Variants in ELMO1 observed in about 807,000 individuals in gnomAD.
ELMO1 encodes engulfment and cell motility protein 1.
Under a neutral mutation model 98.9 loss-of-function variants are expected in ELMO1, and 26 were observed. The ratio of observed to expected loss-of-function variants is 0.26; its 90% CI spans 0.19 to 0.36. ELMO1 has a LOEUF of 0.36. Ranked by LOEUF, ELMO1 falls within the 10% of genes least tolerant of loss-of-function variation. The pLI, the probability that ELMO1 is intolerant of heterozygous loss-of-function variation, is 1.00. For missense variants in ELMO1, 627 were observed against 935.2 expected (o/e 0.67, Z 4.30); for synonymous variants, 346 against 346.0 (o/e 1.00, Z 0.00).
At chr7:37,394,091 C>T (rs1054349681) in intron 1 of ELMO1, among the ~76,000 whole-genome samples, 2 of 152,162 alleles carry the variant, frequency 1.3e-5, no homozygotes, top group African/African-American at 2.4e-5. Flanking sequence ...ATTCATGCCA[C>T]TTATATTTAT....
chr7:36,959,363 C>T (rs1047541898), intron 16 of ELMO1, among the ~76,000 whole-genome samples: 4 of 152,138 alleles, frequency 2.6e-5, no homozygotes, highest in African/African-American at 9.7e-5. Flanking sequence ...CCCTGCCTCA[C>T]TCAAAATAAA....
At chr7:36,905,619 C>T (rs1783907315) in intron 16 of ELMO1, among the ~76,000 whole-genome samples, 1 of 152,236 alleles carries the variant, frequency 6.6e-6, no homozygotes, top group Non-Finnish European at 1.5e-5. Flanking sequence ...ATCTGATACT[C>T]AATCACTGCC....
chr7:37,354,079 T>G (rs745676036), intron 1 of ELMO1, among the ~76,000 whole-genome samples: 1 of 152,232 alleles, frequency 6.6e-6, no homozygotes, highest in Non-Finnish European at 1.5e-5. Context: ...TGAATCTGTC[T>G]TCTTAGGCGC....
At chr7:37,333,059 A>G (rs1312471400) in intron 2 of ELMO1, among the ~76,000 whole-genome samples, 2 of 152,230 alleles carry the variant, frequency 1.3e-5, no homozygotes, top group African/African-American at 2.4e-5. Flanking sequence ...TGGTGATGCC[A>G]TTGACCCATG....
At chr7:37,296,042 T>C (rs1458569190) in intron 4 of ELMO1, among the ~76,000 whole-genome samples, 1 of 152,164 alleles carries the variant, frequency 6.6e-6, no homozygotes, top group Admixed American at 6.5e-5. Context: ...ACAGCACAGA[T>C]ATATTTATCT....
intron 13 of ELMO1, among the ~76,000 whole-genome samples, chr7:37,166,034 C>A (rs145531695): frequency 0.089 from 13,530 of 152,222 alleles, 839 homozygotes; most frequent in Non-Finnish European, 0.12. Flanking sequence ...TTGGTCTATT[C>A]AGAGATTCAA....
At chr7:37,148,892 T>G (rs1228788444) in intron 13 of ELMO1, among the ~76,000 whole-genome samples, 1 of 152,234 alleles carries the variant, frequency 6.6e-6, no homozygotes, top group South Asian at 2.1e-4. Context: ...AGTAGGCATC[T>G]CTGTCTCCCT....
intron 13 of ELMO1, among the ~76,000 whole-genome samples, chr7:37,201,598 GAGCCCTCTA>G (rs1792297880): frequency 6.6e-6 from 1 of 152,198 alleles, no homozygotes; most frequent in South Asian, 2.1e-4. Flanking sequence ...GAAAGCTTTA[GAGCCCTCTA>G]AGGAGACCCC....
intron 16 of ELMO1, among the ~76,000 whole-genome samples, chr7:36,937,945 G>T (rs1285045910): frequency 2.0e-5 from 3 of 152,228 alleles, no homozygotes; most frequent in Non-Finnish European, 2.9e-5. Context: ...CTCAGGCTGA[G>T]AAACACTATT....
At chr7:37,179,705 G>A (rs941377402) in intron 13 of ELMO1, among the ~76,000 whole-genome samples, 3 of 151,230 alleles carry the variant, frequency 2.0e-5, no homozygotes, top group African/African-American at 4.9e-5. Flanking sequence ...GGAAACAGTA[G>A]AAAGAAAGAA....
chr7:37,201,046 C>T (rs1397228847), intron 13 of ELMO1, among the ~76,000 whole-genome samples: 1 of 152,012 alleles, frequency 6.6e-6, no homozygotes. Flanking sequence ...TCAAGAGGCT[C>T]GAATGCTCCC....
chr7:36,861,589 A>T (rs1802630971), intron 21 of ELMO1, 70 bp downstream of exon 21: 1 of 1,535,110 alleles, frequency 6.5e-7, no homozygotes, highest in Non-Finnish European at 8.9e-7. Flanking sequence ...TCTTAAGTAA[A>T]ATTTCTTTCT....
At chr7:36,891,403 G>T (rs559471718) in intron 17 of ELMO1, among the ~76,000 whole-genome samples, 1 of 152,336 alleles carries the variant, frequency 6.6e-6, no homozygotes, top group South Asian at 2.1e-4. Context: ...GCATGCGGCT[G>T]ATCTTTAGCG....
intron 15 of ELMO1, among the ~76,000 whole-genome samples, chr7:37,053,994 T>C (rs12536789): frequency 0.1 from 15,649 of 152,194 alleles, 900 homozygotes; most frequent in Middle Eastern, 0.21. Flanking sequence ...TCTGAATGTA[T>C]AGTTTGCATT....
rs184276956 is a variant in ELMO1, at chr7:37,169,277, G to A, written c.1087-36043C>T. Among the ~76,000 whole-genome samples, 303 of 152,312 alleles carry A rather than the reference G, an allele frequency of 2.0e-3. 1 individual carries two copies. The highest frequency in any genetic ancestry group is 7.1e-3 in the African/African-American group (295 of 41,560). Reference sequence around the variant, plus strand: ...CTTTGACTAGGAAAGGGAACTCCCTGACCCCTTGCACTTCCCGAGTGAGGC... The same window carrying A: ...CTTTGACTAGGAAAGGGAACTCCCTAACCCCTTGCACTTCCCGAGTGAGGC... On this transcript the variant is annotated intron_variant, in intron 13 of 21. Transcript: ENST00000310758.
At chr7:36,860,353 TA>T (rs1170448407) in intron 21 of ELMO1, among the ~76,000 whole-genome samples, 1 of 152,250 alleles carries the variant, frequency 6.6e-6, no homozygotes, top group East Asian at 1.9e-4. Flanking sequence ...GCTCATTTGA[TA>T]AATGAGAATG....
chr7:37,157,048 C>T (rs937900983), intron 13 of ELMO1, among the ~76,000 whole-genome samples: 2 of 152,174 alleles, frequency 1.3e-5, no homozygotes, highest in African/African-American at 2.4e-5. Context: ...ATCACATAAA[C>T]AGAACCAATG....
intron 15 of ELMO1, among the ~76,000 whole-genome samples, chr7:37,083,092 T>C (rs1030323957): frequency 6.6e-6 from 1 of 152,182 alleles, no homozygotes; most frequent in Non-Finnish European, 1.5e-5. Flanking sequence ...ATGAGGACCA[T>C]ACAGGAGACA....
intron 16 of ELMO1, among the ~76,000 whole-genome samples, chr7:36,975,969 T>C (rs183694359): frequency 1.3e-4 from 20 of 152,322 alleles, no homozygotes; most frequent in Admixed American, 1.2e-3. Context: ...TCTCGAATAG[T>C]TGGAAATTGT....
Sources: allele counts gnomAD v4.1 joint callset (sites outside exome capture counted in the v4.1 genomes callset), GRCh38; gene constraint gnomAD v4.1.1; transcripts MANE v1.5; gene names NCBI Gene and HGNC (gene_info 2026-07-23, HGNC 2026-07-21).